FXYD4: variants seen among roughly 807,000 people sequenced by gnomAD.
The protein encoded by FXYD4 is FXYD domain containing ion transport regulator 4.
Under a neutral mutation model 18.3 loss-of-function variants are expected in FXYD4, and 14 were observed. That is an observed-to-expected ratio of 0.77 (90% CI 0.51 to 1.20). FXYD4 has a LOEUF of 1.20. FXYD4 is among the 50% of genes most tolerant of loss of function. FXYD4 has a pLI of 0.00. For synonymous variants in FXYD4, 40 were observed against 40.5 expected, an observed-to-expected ratio of 0.99 and a Z score of 0.04; for missense variants, 99 against 106.1, an observed-to-expected ratio of 0.93 and a Z score of 0.29.
At chr10:43,372,566 T>C (rs1837820772) in intron 1 of FXYD4, among the ~76,000 whole-genome samples, 161 bp from the exon 2 acceptor site, 1 of 152,198 alleles carries the variant, frequency 6.6e-6, no homozygotes, top group African/African-American at 2.4e-5. Context: ...ATTATAGGTG[T>C]GAGCCACTGC....
intron 4 of FXYD4, 48 bp from the exon 5 acceptor site, chr10:43,374,565 C>T (rs1157602315): frequency 1.9e-6 from 3 of 1,612,126 alleles, no homozygotes; most frequent in South Asian, 1.1e-5. Context: ...CACCCACATC[C>T]TGTCTCCTGG....
rs1246120355 is a variant in FXYD4, at chr10:43,373,537, A to T, written c.-210A>T. 1.0e-5 allele frequency: 6 copies of T among 590,180 alleles called. No individual in the cohort carries two copies. The highest frequency in any genetic ancestry group is 1.8e-5 in the Non-Finnish European group (6 of 328,950). 36.6% of individuals were successfully genotyped at this position (590,180 alleles called of 1,614,324 possible). A position where few individuals can be genotyped will look rare whatever the true frequency, so the allele number is the denominator to read the frequency against. ...CAGGCCACCACCATCTCTAGATGGG[A>T]AGACAGAAAGTAGTTACTTTCCCAA... On this transcript the variant is annotated 5_prime_UTR_variant, in exon 3 of 9. Coordinates refer to ENST00000476166, the MANE Select transcript of FXYD4 (RefSeq NM_173160.3).
At position 43,376,232 on chromosome 10, in the gene FXYD4, G is replaced by C; in HGVS notation, c.*66G>C. On this transcript the variant is annotated 3_prime_UTR_variant, in exon 9 of 9. Transcript: ENST00000476166. ...TGGCCCCCAGCACCTCCTCCCCTGG[G>C]AGGCCTTATCCTCAAGGAAGGACTT... 1.9e-6 allele frequency: 3 copies of C among 1,572,194 alleles called. No homozygotes were observed. The Admixed American group carries it at 5.0e-5, about 26-fold the overall frequency.
At position 43,374,724 on chromosome 10, in the gene FXYD4, C is replaced by T. The variant is rs561067806; in HGVS notation, c.97+85C>T. On this transcript the variant is annotated intron_variant, in intron 5 of 8. Coordinates refer to ENST00000476166, the MANE Select transcript of FXYD4 (RefSeq NM_173160.3). ...ACAAGTTGGTGAGGGGTAGTGTGGA[C>T]CTAGTGTAGACAAAGTGGGATGGGG... 1.6e-5 allele frequency: 17 copies of T among 1,076,348 alleles called. No individual in the cohort carries two copies. The East Asian group carries it at 3.5e-4, about 22-fold the overall frequency. The allele number at this position is 1,076,348 out of a possible 1,614,324, so 66.7% of individuals were successfully genotyped here. A position where few individuals can be genotyped will look rare whatever the true frequency, so the allele number is the denominator to read the frequency against.
chr10:43,372,162 G>C (rs540148127), intron 1 of FXYD4, among the ~76,000 whole-genome samples: 20 of 152,078 alleles, frequency 1.3e-4, no homozygotes, highest in Non-Finnish European at 2.4e-4. Flanking sequence ...GTGAAGGCTG[G>C]GGGAAGCCAG....
Position 43,375,491 on chromosome 10 carries a change from C to A in FXYD4, c.98-8C>A. 6.2e-7 allele frequency: 1 copy of A among 1,611,916 alleles called. No individual in the cohort carries two copies. Among genetic ancestry groups the A allele is most frequent in the South Asian group, 1.1e-5 (1 of 91,042 alleles). The stretch of plus-strand genomic sequence containing the variant: ...CTGGTGCAAGCTCACTCTCTGTACC[C>A]ACCCCAGACTGGAAAAACCTGCAGC... On this transcript the variant is annotated splice_polypyrimidine_tract_variant and splice_region_variant and intron_variant, in intron 5 of 8. Coordinates refer to ENST00000476166, the MANE Select transcript of FXYD4 (RefSeq NM_173160.3).
chr10:43,376,138 T>G lies in FXYD4; in HGVS notation c.251-9T>G. On this transcript the variant is annotated splice_polypyrimidine_tract_variant and intron_variant, in intron 8 of 8. Coordinates refer to ENST00000476166, the MANE Select transcript of FXYD4 (RefSeq NM_173160.3). The stretch of plus-strand genomic sequence containing the variant: ...CTGTGTCTGATGGCCTGCCCGCCAC[T>G]CTCCGCAGGCTCTGCCACTACTTGC... The G allele has an allele frequency of 6.2e-7, 1 of 1,613,888 alleles. No individual in the cohort carries two copies. Among genetic ancestry groups the G allele is most frequent in the Non-Finnish European group, 8.5e-7 (1 of 1,179,962 alleles).
chr10:43,376,291 A>G lies in FXYD4; in HGVS notation c.*125A>G. Reference sequence around the variant, plus strand: ...GGGCAGGCTGTTAGGCCCCTTTCTGATCAGGAGGCTTCTTTATGAATTAAA... The same window carrying G: ...GGGCAGGCTGTTAGGCCCCTTTCTGGTCAGGAGGCTTCTTTATGAATTAAA... On this transcript the variant is annotated 3_prime_UTR_variant, in exon 9 of 9. Transcript: ENST00000476166. 1.0e-6 allele frequency: 1 copy of G among 973,248 alleles called. No homozygotes were observed. The highest frequency in any genetic ancestry group is 1.3e-5 in the South Asian group (1 of 74,758). The allele number at this position is 973,248 out of a possible 1,614,324, so 60.3% of individuals were successfully genotyped here.
intron 7 of FXYD4, 102 bp from the exon 8 acceptor site, chr10:43,375,930 C>A: frequency 7.5e-7 from 1 of 1,336,606 alleles, no homozygotes; most frequent in Non-Finnish European, 1.1e-6. Context: ...GGAAGGAGAG[C>A]AAGGACTTGC....
rs530523927 is a variant in FXYD4 at position 43,374,236 on chromosome 10, G to A, written c.38-234G>A. ...GCATTCCCTGTTTCTTCAGGGGGCAGAGACATAACAAACCATCCCAGTCAG... is the reference window on the plus strand; with the variant it reads ...GCATTCCCTGTTTCTTCAGGGGGCAAAGACATAACAAACCATCCCAGTCAG... On this transcript the variant is annotated intron_variant, in intron 3 of 8. Coordinates refer to ENST00000476166, the MANE Select transcript of FXYD4 (RefSeq NM_173160.3). 3.3e-5 allele frequency among the ~76,000 whole-genome samples: 5 copies of A among 152,336 alleles called. No homozygotes were observed. In the East Asian group the frequency reaches 9.6e-4, roughly 29 times the overall value.
rs878986573 is a variant in FXYD4, at chr10:43,375,817, T to A, written c.212+83T>A. Reference sequence around the variant, plus strand: ...CTGACCTGGAGAGTGGACAGCATCCTGGCCACTCGCTGGGCTTGCAGCTGG... The same window carrying A: ...CTGACCTGGAGAGTGGACAGCATCCAGGCCACTCGCTGGGCTTGCAGCTGG... On this transcript the variant is annotated intron_variant, in intron 7 of 8. Transcript: ENST00000476166. 7.7e-5 allele frequency: 111 copies of A among 1,437,554 alleles called. 2 individuals are homozygous for A. In the South Asian group the frequency reaches 1.2e-3, roughly 15 times the overall value. 89.0% of individuals were successfully genotyped at this position (1,437,554 alleles called of 1,614,324 possible).
chr10:43,376,324 C>T lies in FXYD4; in HGVS notation c.*158C>T, dbSNP rs1178196397. ...GCTTCTTTATGAATTAAACTCGCCC[C>T]ACCACCCCCTCCTCGGTAGTCTTGT... On this transcript the variant is annotated 3_prime_UTR_variant, in exon 9 of 9. Coordinates refer to ENST00000476166, the MANE Select transcript of FXYD4 (RefSeq NM_173160.3). 4 of 713,920 alleles carry T rather than the reference C, an allele frequency of 5.6e-6. No homozygotes were observed. Among genetic ancestry groups the T allele is most frequent in the African/African-American group, 5.3e-5 (3 of 56,992 alleles). 44.2% of individuals were successfully genotyped at this position (713,920 alleles called of 1,614,324 possible).
chr10:43,375,552 G>T lies in FXYD4; in HGVS notation c.151G>T (p.Ala51Ser). The stretch of plus-strand genomic sequence containing the variant: ...GATCTGCGGAGGGCTCCTGGCCATT[G>T]CTGGGATCGCGGCAGTTCTGAGTGA... ...GLICGGLLAI[A>S]GIAAVLSGKC... The change falls in exon 6 of 9, where the codon GCT (alanine) becomes TCT (serine). Residue 51 changes from alanine to serine, a missense_variant. By Grantham distance (99) the Ala-to-Ser change is moderately conservative. Coordinates refer to ENST00000476166, the MANE Select transcript of FXYD4 (RefSeq NM_173160.3). 1 of 1,614,046 alleles carries T rather than the reference G, an allele frequency of 6.2e-7. No individual in the cohort carries two copies. Among genetic ancestry groups the T allele is most frequent in the South Asian group, 1.1e-5 (1 of 91,082 alleles).
chr10:43,376,113 C>T, intron 8 of FXYD4, 34 bp from the exon 9 acceptor site: 1 of 1,613,994 alleles, frequency 6.2e-7, no homozygotes, highest in South Asian at 1.1e-5. Flanking sequence ...TGTGTAAGGA[C>T]TGTGTCTGAT....
In FXYD4 at chr10:43,373,760, C is replaced by A. The variant is rs746074794; in HGVS notation, c.14C>A (p.Thr5Asn). 4 of 1,609,812 alleles carry A rather than the reference C, an allele frequency of 2.5e-6. No homozygotes were observed. Among genetic ancestry groups the A allele is most frequent in the South Asian group, 1.1e-5 (1 of 90,988 alleles). Residue 5 changes from threonine to asparagine, a missense_variant, in exon 3 of 9, where the codon ACC becomes AAC. By Grantham distance (65) the Thr-to-Asn change is moderately conservative (BLOSUM62 0). Transcript: ENST00000476166. ...TCGAACTGTGACATGGAGAGAGTGA[C>A]CCTGGCCCTTCTCCTACTGGCAGGT... MERV[T>N]LALLLLAGLT... is the part of the protein sequence containing the mutation.
chr10:43,376,178 G>A lies in FXYD4; in HGVS notation c.*12G>A. On this transcript the variant is annotated 3_prime_UTR_variant, in exon 9 of 9. Transcript: ENST00000476166. ...CCACTACTTGCTGAGCACAGGACTG[G>A]CCTCCAGGGATGGCCTGAAGCCTAA... 6.2e-7 allele frequency: 1 copy of A among 1,613,354 alleles called. No individual in the cohort carries two copies. The highest frequency in any genetic ancestry group is 2.2e-5 in the East Asian group (1 of 44,876).
Position 43,375,562 on chromosome 10 carries a change from C to T in FXYD4, c.161C>T (p.Ala54Val), listed in dbSNP as rs145486243. The T allele has an allele frequency of 1.5e-4, 237 of 1,613,694 alleles. No individual in the cohort carries two copies. The highest frequency in any genetic ancestry group is 4.7e-4 in the Admixed American group (28 of 59,972). Residue 54 changes from alanine (A) to valine (V), a missense_variant, in exon 6 of 9, where the codon GCG becomes GTG. Coordinates refer to ENST00000476166, the MANE Select transcript of FXYD4 (RefSeq NM_173160.3). ...GGGCTCCTGGCCATTGCTGGGATCG[C>T]GGCAGTTCTGAGTGAGTGGCAGGAC... ...CGGLLAIAGIAAVLSGKCKCK... is the reference protein window; with the variant it reads ...CGGLLAIAGIVAVLSGKCKCK...
chr10:43,375,357 G>A lies in FXYD4; in HGVS notation c.98-142G>A, dbSNP rs564610141. ...TTTTTTCTTCTTAGTGTTTCCCCAC[G>A]AGACGCAGAATGATGCCTCTGTTGC... On this transcript the variant is annotated intron_variant, in intron 5 of 8. Transcript: ENST00000476166. The A allele has an allele frequency of 2.7e-5, 18 of 657,910 alleles. No individual in the cohort carries two copies. Among genetic ancestry groups the A allele is most frequent in the Non-Finnish European group, 4.3e-5 (16 of 368,240 alleles). 40.8% of individuals were successfully genotyped at this position (657,910 alleles called of 1,614,324 possible). A position where few individuals can be genotyped will look rare whatever the true frequency, so the allele number is the denominator to read the frequency against.
intron 2 of FXYD4, 115 bp downstream of exon 2, chr10:43,372,887 G>C (rs1588980664): frequency 6.6e-6 from 1 of 152,292 alleles, no homozygotes; most frequent in Non-Finnish European, 1.5e-5. Context: ...TTGAAAACTT[G>C]ACCACACTAG....
Sources: gnomAD v4.1 joint callset for allele counts (sites outside exome capture counted in the v4.1 genomes callset) on GRCh38, gnomAD v4.1.1 for gene constraint, MANE v1.5 for transcripts, NCBI Gene and HGNC (gene_info 2026-07-23, HGNC 2026-07-21) for gene names.